The following SLC35F1 variants were observed in gnomAD, a reference collection of about 807,000 sequenced individuals.
SLC35F1 encodes the protein solute carrier family 35 member F1, also known as chromosome 6 open reading frame 169.
Under a neutral mutation model 48.7 loss-of-function variants are expected in SLC35F1, and 14 were observed. The ratio of observed to expected loss-of-function variants is 0.29; its 90% CI spans 0.19 to 0.45. The LOEUF is 0.45. SLC35F1 is among the 20% of genes least tolerant of loss of function. The pLI is 1.00. For synonymous variants in SLC35F1, 190 were observed against 202.2 expected (o/e 0.94, Z 0.51); for missense variants, 404 against 500.0 (o/e 0.81, Z 1.83).
chr6:118,156,912 G>A (rs1212292462), intron 2 of SLC35F1, among the ~76,000 whole-genome samples: 1 of 152,080 alleles, frequency 6.6e-6, no homozygotes. Flanking sequence ...CTAAAGGGCA[G>A]GGAGAATTAT....
chr6:118,126,462 G>A (rs994683062), intron 1 of SLC35F1, among the ~76,000 whole-genome samples: 1 of 152,000 alleles, frequency 6.6e-6, no homozygotes, highest in African/African-American at 2.4e-5. Flanking sequence ...TTGGTGGTGC[G>A]GGCTCTTTTT....
chr6:118,278,974 C>T lies in SLC35F1; in HGVS notation c.847+1428C>T, dbSNP rs554224655. Among the ~76,000 whole-genome samples, 26 of 152,222 alleles carry T rather than the reference C, an allele frequency of 1.7e-4. No homozygotes were observed. The South Asian group carries it at 5.0e-3, about 29-fold the overall frequency. On this transcript the variant is annotated intron_variant, in intron 6 of 7. Transcript: ENST00000360388. Reference sequence around the variant, plus strand: ...AGTTTTATTCTGAGCTCTCATATTGCCATTAAAACGTCAGTCCCCTATAGT... The same window carrying T: ...AGTTTTATTCTGAGCTCTCATATTGTCATTAAAACGTCAGTCCCCTATAGT...
rs562458026 is a variant in SLC35F1 at position 117,996,549 on chromosome 6, C to T, written c.173+88650C>T. 2.7e-4 allele frequency among the ~76,000 whole-genome samples: 41 copies of T among 152,304 alleles called. 2 individuals are homozygous for T. In the South Asian group the frequency reaches 7.7e-3, roughly 29 times the overall value. ...GCACCCCCCAGTAGGGGCAGACTGA[C>T]ACCTCACACGGCCGGGTACTCCTCT... On this transcript the variant is annotated intron_variant, in intron 1 of 7. Coordinates refer to ENST00000360388, the MANE Select transcript of SLC35F1 (RefSeq NM_001029858.4).
chr6:118,120,802 G>A (rs562667955), intron 1 of SLC35F1, among the ~76,000 whole-genome samples: 4 of 152,206 alleles, frequency 2.6e-5, no homozygotes, highest in African/African-American at 9.6e-5. Context: ...AATCCATTAA[G>A]ATTCTTAAAT....
At chr6:118,232,756 G>C (rs992990205) in intron 2 of SLC35F1, among the ~76,000 whole-genome samples, 1 of 152,010 alleles carries the variant, frequency 6.6e-6, no homozygotes, top group African/African-American at 2.4e-5. Context: ...TGGGCCAAAT[G>C]TTCAGGTCAT....
At chr6:118,295,447 G>A (rs1776172786) in intron 7 of SLC35F1, among the ~76,000 whole-genome samples, 1 of 152,116 alleles carries the variant, frequency 6.6e-6, no homozygotes, top group South Asian at 2.1e-4. Context: ...TAACATCTGA[G>A]TCCCAATGCC....
chr6:118,275,369 G>A, intron 4 of SLC35F1, 90 bp from the exon 5 acceptor site: 2 of 1,365,460 alleles, frequency 1.5e-6, no homozygotes, highest in Non-Finnish European at 1.0e-6. Context: ...AAATAGAATA[G>A]GCAAGGGAAG....
intron 2 of SLC35F1, among the ~76,000 whole-genome samples, chr6:118,188,640 A>T (rs1381697108): frequency 6.6e-6 from 1 of 152,098 alleles, no homozygotes; most frequent in Admixed American, 6.6e-5. Context: ...CATGTTTCTT[A>T]AAGAAAAAGA....
chr6:118,155,487 T>G (rs1774126082), intron 2 of SLC35F1, among the ~76,000 whole-genome samples: 2 of 152,222 alleles, frequency 1.3e-5, no homozygotes, highest in Non-Finnish European at 2.9e-5. Flanking sequence ...CTCTCTCATG[T>G]GTGCTCTTGT....
chr6:118,295,380 C>T (rs1776171989), intron 7 of SLC35F1, among the ~76,000 whole-genome samples: 1 of 152,174 alleles, frequency 6.6e-6, no homozygotes. Flanking sequence ...CAGATTAATG[C>T]AAAGGATAAG....
intron 1 of SLC35F1, among the ~76,000 whole-genome samples, chr6:118,102,139 C>T (rs909416463): frequency 6.6e-6 from 1 of 152,180 alleles, no homozygotes; most frequent in Non-Finnish European, 1.5e-5. Context: ...ATGTAAGCAA[C>T]ATAAACTGGC....
At chr6:118,298,080 T>C (rs753450896) in intron 7 of SLC35F1, among the ~76,000 whole-genome samples, 78 of 152,174 alleles carry the variant, frequency 5.1e-4, no homozygotes, top group East Asian at 1.2e-3. Context: ...TCTGCCAAGA[T>C]TGTAAATTTC....
chr6:118,196,731 T>A (rs1179771388), intron 2 of SLC35F1, among the ~76,000 whole-genome samples: 4 of 152,020 alleles, frequency 2.6e-5, no homozygotes, highest in Non-Finnish European at 5.9e-5. Flanking sequence ...TCAAAAAAAA[T>A]AAATTAAATA....
At chr6:118,180,105 A>T (rs1201047576) in intron 2 of SLC35F1, among the ~76,000 whole-genome samples, 2 of 152,178 alleles carry the variant, frequency 1.3e-5, no homozygotes, top group African/African-American at 4.8e-5. Flanking sequence ...AGAATTTCTG[A>T]CCATAGCCCA....
chr6:118,198,613 A>G (rs1774832999), intron 2 of SLC35F1, among the ~76,000 whole-genome samples: 1 of 152,258 alleles, frequency 6.6e-6, no homozygotes, highest in South Asian at 2.1e-4. Context: ...TTAAGCATAT[A>G]GAAGAATTAA....
intron 1 of SLC35F1, among the ~76,000 whole-genome samples, chr6:118,017,978 G>A (rs963128505): frequency 6.6e-6 from 1 of 152,184 alleles, no homozygotes; most frequent in Non-Finnish European, 1.5e-5. Context: ...TAAGTGGAAG[G>A]AGTGTTAGAC....
At chr6:118,260,471 G>A (rs999535278) in intron 3 of SLC35F1, among the ~76,000 whole-genome samples, 2 of 152,002 alleles carry the variant, frequency 1.3e-5, no homozygotes, top group African/African-American at 4.8e-5. Context: ...AAAAAAGAAG[G>A]CAACTTCTTT....
intron 1 of SLC35F1, among the ~76,000 whole-genome samples, chr6:117,947,792 T>C (rs1156783957): frequency 6.6e-6 from 1 of 152,084 alleles, no homozygotes. Context: ...AGTTGTTGAG[T>C]AGGCAATTGA....
chr6:118,127,861 G>A (rs1477986295), intron 1 of SLC35F1, among the ~76,000 whole-genome samples: 1 of 151,210 alleles, frequency 6.6e-6, no homozygotes, highest in African/African-American at 2.4e-5. Flanking sequence ...ACTACCATCA[G>A]AGTGAACAGG....
Sources: allele counts gnomAD v4.1 joint callset (sites outside exome capture counted in the v4.1 genomes callset), GRCh38; gene constraint gnomAD v4.1.1; transcripts MANE v1.5; gene names NCBI Gene and HGNC (gene_info 2026-07-23, HGNC 2026-07-21).